Variants in ARNT2 observed in about 807,000 individuals in gnomAD.
ARNT2 encodes aryl hydrocarbon receptor nuclear translocator 2, also known as ARNT protein 2.
In ARNT2, 36 loss-of-function variants were observed where a neutral mutation model predicts 91.7. The observed-to-expected ratio is 0.39, with a 90% CI of 0.30 to 0.52. The LOEUF is 0.52. Among genes scored for constraint, ARNT2 ranks in the 20% least tolerant of loss-of-function variants. The pLI is 0.72. For synonymous variants in ARNT2, 365 were observed against 347.1 expected, an observed-to-expected ratio of 1.05 and a Z score of -0.57; for missense variants, 775 against 939.3, an observed-to-expected ratio of 0.83 and a Z score of 2.29.
intron 5 of ARNT2, among the ~76,000 whole-genome samples, chr15:80,506,754 G>C (rs1483398129): frequency 6.6e-6 from 1 of 152,212 alleles, no homozygotes; most frequent in African/African-American, 2.4e-5. Context: ...CCCTGGGAGA[G>C]AGTGAGAGAG....
intron 5 of ARNT2, among the ~76,000 whole-genome samples, chr15:80,506,740 G>A (rs567128874): frequency 5.3e-5 from 8 of 152,318 alleles, no homozygotes; most frequent in African/African-American, 1.9e-4. Context: ...AAGTCGCCAA[G>A]GGTCCCTGGG....
intron 11 of ARNT2, among the ~76,000 whole-genome samples, chr15:80,558,205 T>TCCTTCTAAGTC (rs1182574778): frequency 6.6e-6 from 1 of 152,162 alleles, no homozygotes; most frequent in Non-Finnish European, 1.5e-5. Flanking sequence ...CACCCCAGCC[T>TCCTTCTAAGTC]CCTTCTAAGT....
chr15:80,524,870 G>A (rs1897615010), intron 8 of ARNT2, among the ~76,000 whole-genome samples: 2 of 142,622 alleles, frequency 1.4e-5, no homozygotes, highest in Admixed American at 7.1e-5. Flanking sequence ...GCCAGACTCT[G>A]TCTCAAAAAA....
At chr15:80,461,732 G>A (rs1316679892) in intron 3 of ARNT2, among the ~76,000 whole-genome samples, 2 of 152,132 alleles carry the variant, frequency 1.3e-5, no homozygotes, top group Non-Finnish European at 2.9e-5. Context: ...CTAGAAGGTG[G>A]CAGAGACGGA....
chr15:80,537,733 A>G (rs1434232079), intron 8 of ARNT2, among the ~76,000 whole-genome samples: 1 of 152,236 alleles, frequency 6.6e-6, no homozygotes, highest in Non-Finnish European at 1.5e-5. Context: ...AACCTCCAGT[A>G]CAGTTACTGG....
Position 80,404,873 on chromosome 15 carries a change from GC to G in ARNT2, c.31+328del, listed in dbSNP as rs1264880711. Among the ~76,000 whole-genome samples the G allele has an allele frequency of 6.6e-6, 1 of 152,198 alleles. No individual in the cohort carries two copies. Among genetic ancestry groups the G allele is most frequent in the East Asian group, 1.9e-4 (1 of 5,180 alleles). Reference sequence around the variant, plus strand: ...ACCGCCTTTGCCTTCCCCATCCCACGCATTTTTCTCTTCCGGTCCCGGCTTT... The same window carrying G: ...ACCGCCTTTGCCTTCCCCATCCCACGATTTTTCTCTTCCGGTCCCGGCTTT... On this transcript the variant is annotated intron_variant, in intron 1 of 18. Coordinates refer to ENST00000303329, the MANE Select transcript of ARNT2 (RefSeq NM_014862.4). The surrounding 1 kb of genome is among the most constrained non-coding windows in gnomAD (Gnocchi z 5.5).
intron 9 of ARNT2, among the ~76,000 whole-genome samples, chr15:80,551,678 T>C (rs1368165247): frequency 6.6e-6 from 1 of 152,222 alleles, no homozygotes; most frequent in African/African-American, 2.4e-5. Context: ...TTCCCCTTTC[T>C]ATAAACCCCC....
chr15:80,441,383 G>A, intron 1 of ARNT2: 1 of 985,136 alleles, frequency 1.0e-6, no homozygotes, highest in South Asian at 4.7e-5. Context: ...GAAAAGGTAG[G>A]GCTGTGATAT....
intron 1 of ARNT2, among the ~76,000 whole-genome samples, chr15:80,427,286 G>T (rs1895947738): frequency 6.6e-6 from 1 of 152,192 alleles, no homozygotes; most frequent in South Asian, 2.1e-4. Flanking sequence ...ATGCACAGGA[G>T]TTTTGTGTCT....
At chr15:80,424,169 T>C (rs930350441) in intron 1 of ARNT2, among the ~76,000 whole-genome samples, 1 of 152,172 alleles carries the variant, frequency 6.6e-6, no homozygotes, top group Admixed American at 6.5e-5. Flanking sequence ...TCTGGGCATG[T>C]ATACACCCCA....
chr15:80,408,883 T>G (rs977304480), intron 1 of ARNT2, among the ~76,000 whole-genome samples: 8 of 152,230 alleles, frequency 5.3e-5, no homozygotes, highest in African/African-American at 1.9e-4. Flanking sequence ...TTTAATTAAT[T>G]AATGAATTTT....
chr15:80,586,448 T>G (rs774838728), intron 17 of ARNT2, among the ~76,000 whole-genome samples: 2 of 152,178 alleles, frequency 1.3e-5, no homozygotes, highest in Admixed American at 1.3e-4. Context: ...ACTCTGGGGA[T>G]GAATGTCTTT....
chr15:80,451,159 T>TAAG (rs756755577), intron 2 of ARNT2, among the ~76,000 whole-genome samples, 165 bp downstream of exon 2: 241 of 152,378 alleles, frequency 1.6e-3, no homozygotes, highest in Non-Finnish European at 2.8e-3. Flanking sequence ...GATTTGCTTC[T>TAAG]AAGTGTTTTG....
chr15:80,574,974 A>G lies in ARNT2; in HGVS notation c.1390-13A>G. The G allele has an allele frequency of 6.2e-7, 1 of 1,612,944 alleles. No homozygotes were observed. The highest frequency in any genetic ancestry group is 8.5e-7 in the Non-Finnish European group (1 of 1,179,090). ...CATGAGTTGCTGTTGTGTTTTATTT[A>G]ATGTGCAAATAGGTCCCCGTCCCCA... On this transcript the variant is annotated splice_polypyrimidine_tract_variant and intron_variant, in intron 13 of 18. Coordinates refer to ENST00000303329, the MANE Select transcript of ARNT2 (RefSeq NM_014862.4).
At chr15:80,484,314 A>G (rs575912058) in intron 5 of ARNT2, among the ~76,000 whole-genome samples, 1 of 152,336 alleles carries the variant, frequency 6.6e-6, no homozygotes, top group South Asian at 2.1e-4. Flanking sequence ...GGCCCCTTGA[A>G]AATTGCCCAG....
rs1310893615 is a variant in ARNT2 at position 80,433,509 on chromosome 15, C to T, written c.32-17371C>T. 1.3e-5 allele frequency among the ~76,000 whole-genome samples: 2 copies of T among 151,980 alleles called. 1 individual carries two copies. The highest frequency in any genetic ancestry group is 4.8e-5 in the African/African-American group (2 of 41,372). On this transcript the variant is annotated intron_variant, in intron 1 of 18. Coordinates refer to ENST00000303329, the MANE Select transcript of ARNT2 (RefSeq NM_014862.4). Reference sequence around the variant, plus strand: ...CCATGTTGTCCAGACTGGACTTGAACTGCTGGCCTCAAGTGATCCACCCAC... The same window carrying T: ...CCATGTTGTCCAGACTGGACTTGAATTGCTGGCCTCAAGTGATCCACCCAC...
chr15:80,474,509 A>T (rs1896772748), intron 4 of ARNT2, among the ~76,000 whole-genome samples: 1 of 152,234 alleles, frequency 6.6e-6, no homozygotes, highest in African/African-American at 2.4e-5. Flanking sequence ...GAAAAGGAAC[A>T]AGAGGGTACT....
chr15:80,535,824 C>T (rs1250155910), intron 8 of ARNT2, among the ~76,000 whole-genome samples: 2 of 152,026 alleles, frequency 1.3e-5, no homozygotes, highest in Admixed American at 1.3e-4. Context: ...CAGAGCTTTC[C>T]ATTCAGAGAT....
At chr15:80,581,939 T>C (rs974010610) in intron 17 of ARNT2, among the ~76,000 whole-genome samples, 1 of 152,184 alleles carries the variant, frequency 6.6e-6, no homozygotes, top group Non-Finnish European at 1.5e-5. Flanking sequence ...AGGAACCTCC[T>C]CAGCATGTCT....
Sources: allele counts gnomAD v4.1 joint callset (sites outside exome capture counted in the v4.1 genomes callset), GRCh38; gene constraint gnomAD v4.1.1; non-coding constraint Gnocchi (gnomAD v3.1); transcripts MANE v1.5; gene names NCBI Gene and HGNC (gene_info 2026-07-23, HGNC 2026-07-21).